CDH18: variants seen among roughly 807,000 people sequenced by gnomAD.
CDH18 encodes cadherin-18.
A neutral mutation model predicts 67.9 loss-of-function variants in CDH18; 31 were observed. The observed-to-expected ratio is 0.46, with a 90% confidence interval of 0.34 to 0.62. The LOEUF is 0.62. Ranked by LOEUF, CDH18 falls within the 20% of genes least tolerant of loss-of-function variation. The pLI is 0.01. For missense variants in CDH18, 890 were observed against 975.5 expected (o/e 0.91, Z 1.17); for synonymous variants, 362 against 347.2 (o/e 1.04, Z -0.48).
At chr5:19,745,502 G>T (rs538855109) in intron 4 of CDH18, among the ~76,000 whole-genome samples, 4 of 152,152 alleles carry the variant, frequency 2.6e-5, no homozygotes, top group African/African-American at 7.2e-5. Context: ...CATAGAGCTC[G>T]TTGCCTTCCT....
intron 5 of CDH18, among the ~76,000 whole-genome samples, chr5:19,711,367 T>C (rs1269801508): frequency 6.6e-6 from 1 of 151,848 alleles, no homozygotes; most frequent in African/African-American, 2.4e-5. Context: ...ATATCCAGAA[T>C]CTACAACGAA....
intron 2 of CDH18, among the ~76,000 whole-genome samples, chr5:20,149,222 T>C (rs1750908485): frequency 6.6e-6 from 1 of 152,206 alleles, no homozygotes; most frequent in South Asian, 2.1e-4. Flanking sequence ...TAAAGAGGCA[T>C]ATATTTACCC....
intron 1 of CDH18, among the ~76,000 whole-genome samples, chr5:20,452,741 C>A (rs1020405455): frequency 6.6e-6 from 1 of 151,924 alleles, no homozygotes; most frequent in African/African-American, 2.4e-5. Context: ...AACTTGCACA[C>A]GTACCCCTAA....
intron 2 of CDH18, among the ~76,000 whole-genome samples, chr5:19,855,810 T>C (rs772802569): frequency 6.6e-6 from 1 of 152,158 alleles, no homozygotes; most frequent in Admixed American, 6.6e-5. Flanking sequence ...ATTATGTAGA[T>C]TAAGAAGTTA....
At chr5:19,584,974 G>A (rs1056940991) in intron 7 of CDH18, among the ~76,000 whole-genome samples, 4 of 143,556 alleles carry the variant, frequency 2.8e-5, no homozygotes, top group Admixed American at 2.2e-4. Flanking sequence ...CAGCCTGGGT[G>A]ACAGAGCAAG....
intron 2 of CDH18, among the ~76,000 whole-genome samples, chr5:20,173,043 G>T (rs1480920688): frequency 6.6e-6 from 1 of 151,544 alleles, no homozygotes; most frequent in African/African-American, 2.4e-5. Flanking sequence ...TCTAATAAAA[G>T]TACTAAACAC....
intron 1 of CDH18, among the ~76,000 whole-genome samples, chr5:20,456,734 T>A (rs762925254): frequency 2.0e-5 from 3 of 152,182 alleles, no homozygotes; most frequent in African/African-American, 7.2e-5. Context: ...AATGCCATAT[T>A]TTTTTTAATG....
intron 2 of CDH18, among the ~76,000 whole-genome samples, chr5:20,237,451 G>A (rs1561901277): frequency 6.6e-6 from 1 of 151,790 alleles, no homozygotes; most frequent in Non-Finnish European, 1.5e-5. Flanking sequence ...TAAAAAAGTA[G>A]TATACTTAAT....
intron 8 of CDH18, among the ~76,000 whole-genome samples, chr5:19,568,277 G>A (rs1178256109): frequency 1.3e-5 from 2 of 152,124 alleles, no homozygotes; most frequent in Non-Finnish European, 2.9e-5. Context: ...AGTAATCCAC[G>A]ATGTAATGGC....
chr5:19,709,202 G>A (rs1580993114), intron 5 of CDH18, among the ~76,000 whole-genome samples: 1 of 152,032 alleles, frequency 6.6e-6, no homozygotes, highest in Admixed American at 6.6e-5. Flanking sequence ...GAAATATGTG[G>A]AGGAAAGGGT....
intron 10 of CDH18, among the ~76,000 whole-genome samples, chr5:19,508,532 A>G (rs951230268): frequency 6.6e-6 from 1 of 152,184 alleles, no homozygotes; most frequent in Admixed American, 6.6e-5. Context: ...TATCAAATAA[A>G]TGATATTACA....
At chr5:19,563,280 T>C (rs1268695910) in intron 8 of CDH18, among the ~76,000 whole-genome samples, 2 of 152,216 alleles carry the variant, frequency 1.3e-5, no homozygotes, top group South Asian at 4.1e-4. Flanking sequence ...TGTCATGTTA[T>C]CACTGAAAAC....
intron 8 of CDH18, among the ~76,000 whole-genome samples, chr5:19,559,462 A>G (rs76070171): frequency 6.6e-6 from 1 of 152,042 alleles, no homozygotes; most frequent in Non-Finnish European, 1.5e-5. Flanking sequence ...AAGCTTTTGA[A>G]CAAAATCCAG....
chr5:20,155,894 C>A (rs1751486738), intron 2 of CDH18, among the ~76,000 whole-genome samples: 1 of 151,980 alleles, frequency 6.6e-6, no homozygotes, highest in African/African-American at 2.4e-5. Flanking sequence ...AGGTATGTGG[C>A]TTTACTTCTG....
At chr5:19,859,130 C>T (rs757278206) in intron 2 of CDH18, among the ~76,000 whole-genome samples, 1 of 152,076 alleles carries the variant, frequency 6.6e-6, no homozygotes, top group Non-Finnish European at 1.5e-5. Context: ...CACAACTGAC[C>T]GATGGATGCT....
chr5:20,387,080 T>C (rs1248736332), intron 1 of CDH18, among the ~76,000 whole-genome samples: 1 of 152,218 alleles, frequency 6.6e-6, no homozygotes, highest in Non-Finnish European at 1.5e-5. Context: ...TCTTCAGCTT[T>C]ATGGGTCATG....
At chr5:20,045,578 C>CATATAT (rs140756473) in intron 2 of CDH18, among the ~76,000 whole-genome samples, 6 of 149,376 alleles carry the variant, frequency 4.0e-5, no homozygotes, top group African/African-American at 9.8e-5. Context: ...ATAGAAAACA[C>CATATAT]ATATATATAT....
At chr5:19,996,108 T>G (rs1002991360) in intron 2 of CDH18, among the ~76,000 whole-genome samples, 2 of 152,140 alleles carry the variant, frequency 1.3e-5, no homozygotes, top group Non-Finnish European at 2.9e-5. Flanking sequence ...ACCAAATCAT[T>G]GATCTTTTCA....
intron 4 of CDH18, among the ~76,000 whole-genome samples, chr5:19,745,894 T>C (rs1460746325): frequency 6.6e-6 from 1 of 152,020 alleles, no homozygotes; most frequent in Non-Finnish European, 1.5e-5. Flanking sequence ...TGCTACCATC[T>C]TCCATTTTTA....
Sources: gnomAD v4.1 joint callset for allele counts (sites outside exome capture counted in the v4.1 genomes callset) on GRCh38, gnomAD v4.1.1 for gene constraint, MANE v1.5 for transcripts, NCBI Gene and HGNC (gene_info 2026-07-23, HGNC 2026-07-21) for gene names.